The following ARSJ variants were observed in gnomAD, a reference collection of about 807,000 sequenced individuals.
ARSJ encodes the protein arylsulfatase family member J, also known as arylsulfatase J.
In ARSJ, 26 loss-of-function variants were observed where a neutral mutation model predicts 35.9. The observed-to-expected ratio is 0.72, with a 90% CI of 0.53 to 1.00. The LOEUF (loss-of-function observed/expected upper bound fraction) is 1.00, where lower values mean the gene tolerates loss of function less well. ARSJ is among the 50% of genes least tolerant of loss of function. ARSJ has a pLI of 0.00. For synonymous variants in ARSJ, 294 were observed against 267.6 expected, an observed-to-expected ratio of 1.10 and a Z score of -0.96; for missense variants, 667 against 723.6, an observed-to-expected ratio of 0.92 and a Z score of 0.90.
At chr4:113,956,624 AAAATT>A (rs1271760580) in intron 1 of ARSJ, among the ~76,000 whole-genome samples, 1 of 152,134 alleles carries the variant, frequency 6.6e-6, no homozygotes, top group Non-Finnish European at 1.5e-5. Flanking sequence ...CAAAGGAAGT[AAAATT>A]AAATTAGAGT....
intron 1 of ARSJ, among the ~76,000 whole-genome samples, chr4:113,963,309 T>G (rs925349500): frequency 3.3e-5 from 5 of 152,034 alleles, no homozygotes; most frequent in African/African-American, 9.7e-5. Context: ...CTGGGTAGTT[T>G]ATAAAGGAAA....
intron 1 of ARSJ, among the ~76,000 whole-genome samples, chr4:113,950,566 TATAAG>T (rs1309810461): frequency 1.3e-5 from 2 of 151,710 alleles, no homozygotes; most frequent in Middle Eastern, 3.4e-3. Context: ...AAAGGGTGAA[TATAAG>T]ATGAGGGAAA....
At position 113,904,101 on chromosome 4, in the gene ARSJ, G is replaced by A. The variant is rs866219139; in HGVS notation, c.399-426C>T. ...ACATGCCCAGATTTTTTTTTTTTTT[G>A]TATTTTTAGTAGAGACAGGGTTTCA... is the stretch of plus-strand genomic sequence containing the variant. On this transcript the variant is annotated intron_variant, in intron 1 of 1. Transcript: ENST00000315366. 2.7e-4 allele frequency among the ~76,000 whole-genome samples: 35 copies of A among 127,342 alleles called. No homozygotes were observed. In the East Asian group the frequency reaches 4.6e-3, roughly 17 times the overall value. The allele number at this position is 127,342 out of a possible 152,430, so 83.5% of individuals were successfully genotyped here.
chr4:113,961,321 A>G (rs949700682), intron 1 of ARSJ, among the ~76,000 whole-genome samples: 1 of 152,102 alleles, frequency 6.6e-6, no homozygotes, highest in Non-Finnish European at 1.5e-5. Flanking sequence ...AAAAATAAAC[A>G]ATCACAAATG....
intron 1 of ARSJ, among the ~76,000 whole-genome samples, chr4:113,970,315 T>G (rs1380020028): frequency 6.6e-6 from 1 of 152,184 alleles, no homozygotes; most frequent in Non-Finnish European, 1.5e-5. Context: ...TGAAAAATAA[T>G]TAAGTCACAT....
intron 1 of ARSJ, among the ~76,000 whole-genome samples, chr4:113,909,122 G>A (rs915909452): frequency 2.0e-5 from 3 of 151,986 alleles, no homozygotes; most frequent in Non-Finnish European, 4.4e-5. Flanking sequence ...AAATCAGTGA[G>A]AGAAGTACAG....
At chr4:113,913,471 C>G (rs13107667) in intron 1 of ARSJ, among the ~76,000 whole-genome samples, 107,598 of 151,846 alleles carry the variant, frequency 0.71, 38,892 homozygotes, top group East Asian at 0.81. Context: ...AAGACCCATA[C>G]TTCAAAAAAA....
chr4:113,953,262 T>C (rs1725971572), intron 1 of ARSJ, among the ~76,000 whole-genome samples: 1 of 152,064 alleles, frequency 6.6e-6, no homozygotes, highest in Admixed American at 6.6e-5. Flanking sequence ...AATCTTCTCC[T>C]CAACTCTAAG....
chr4:113,958,244 C>G (rs966359336), intron 1 of ARSJ, among the ~76,000 whole-genome samples: 3 of 151,918 alleles, frequency 2.0e-5, no homozygotes, highest in Admixed American at 6.6e-5. Flanking sequence ...TTTAGGCAGT[C>G]TGGCAAAAAG....
At chr4:113,918,014 A>G (rs1456608535) in intron 1 of ARSJ, among the ~76,000 whole-genome samples, 1 of 152,210 alleles carries the variant, frequency 6.6e-6, no homozygotes, top group African/African-American at 2.4e-5. Context: ...GGTTGTTAGA[A>G]TTTTATCAGC....
At chr4:113,907,619 G>C (rs958622196) in intron 1 of ARSJ, among the ~76,000 whole-genome samples, 9 of 151,788 alleles carry the variant, frequency 5.9e-5, no homozygotes, top group African/African-American at 2.2e-4. Context: ...GTAAAGAAAA[G>C]AAAGAAAAAC....
rs1446834207 is a variant in ARSJ, at chr4:113,903,439, C to T, written c.635G>A (p.Cys212Tyr). The T allele has an allele frequency of 1.2e-6, 2 of 1,614,186 alleles. No individual in the cohort carries two copies. Among genetic ancestry groups the T allele is most frequent in the Non-Finnish European group, 1.7e-6 (2 of 1,180,036 alleles). ...ATAGCCACACATCCCAGGACTGTCA[C>T]ATTTGTAGTGTGTATAGTAATCCCC... ...GSGDYYTHYK[C>Y]DSPGMCGYDL... Residue 212 changes from cysteine to tyrosine, a missense_variant, in exon 2 of 2, where the codon TGT becomes TAT. Transcript: ENST00000315366.
At chr4:113,945,279 T>A (rs2149271782) in intron 1 of ARSJ, among the ~76,000 whole-genome samples, 1 of 152,106 alleles carries the variant, frequency 6.6e-6, no homozygotes, top group South Asian at 2.1e-4. Context: ...GGACTATAGG[T>A]GTGTGCCATC....
At chr4:113,907,291 T>C (rs2099669042) in intron 1 of ARSJ, among the ~76,000 whole-genome samples, 1 of 152,156 alleles carries the variant, frequency 6.6e-6, no homozygotes, top group African/African-American at 2.4e-5. Flanking sequence ...TTTGTAAGCA[T>C]TTCAAAAATA....
chr4:113,929,776 AG>A (rs1724313702), intron 1 of ARSJ, among the ~76,000 whole-genome samples: 1 of 152,036 alleles, frequency 6.6e-6, no homozygotes, highest in African/African-American at 2.4e-5. Flanking sequence ...AGAATCTCTT[AG>A]TTCATCATTT....
intron 1 of ARSJ, among the ~76,000 whole-genome samples, chr4:113,961,669 A>G (rs1562372265): frequency 6.6e-6 from 1 of 152,152 alleles, no homozygotes; most frequent in Non-Finnish European, 1.5e-5. Context: ...ACAATGTTCT[A>G]TAAATTAAAG....
intron 1 of ARSJ, among the ~76,000 whole-genome samples, chr4:113,941,196 C>T (rs1725137438): frequency 6.6e-6 from 1 of 151,982 alleles, no homozygotes; most frequent in Non-Finnish European, 1.5e-5. Context: ...GAACACACTC[C>T]ATATTCTGAA....
At chr4:113,939,785 T>C (rs1725023905) in intron 1 of ARSJ, among the ~76,000 whole-genome samples, 1 of 152,000 alleles carries the variant, frequency 6.6e-6, no homozygotes, top group African/African-American at 2.4e-5. Flanking sequence ...GTTTTGTTTT[T>C]TGTAAATTTG....
chr4:113,949,941 C>A (rs1189346070), intron 1 of ARSJ, among the ~76,000 whole-genome samples: 1 of 152,086 alleles, frequency 6.6e-6, no homozygotes, highest in African/African-American at 2.4e-5. Flanking sequence ...TTTAAAAGCT[C>A]TTTGGTGGAC....
Sources: gnomAD v4.1 joint callset for allele counts (sites outside exome capture counted in the v4.1 genomes callset) on GRCh38, gnomAD v4.1.1 for gene constraint, MANE v1.5 for transcripts, NCBI Gene and HGNC (gene_info 2026-07-23, HGNC 2026-07-21) for gene names.